LRFN2: variants seen among roughly 807,000 people sequenced by gnomAD.
LRFN2 encodes leucine rich repeat and fibronectin type III domain containing 2.
In LRFN2, 18 loss-of-function variants were observed where a neutral mutation model predicts 37.3. The observed-to-expected ratio is 0.48, with a 90% CI of 0.33 to 0.72. LRFN2 has a LOEUF of 0.72. Among genes scored for constraint, LRFN2 ranks in the 30% least tolerant of loss-of-function variants. The pLI is 0.02. For missense variants in LRFN2, 1,006 were observed against 1,060.7 expected (o/e 0.95, Z 0.72); for synonymous variants, 556 against 466.6 (o/e 1.19, Z -2.47).
Position 40,488,407 on chromosome 6 carries a change from A to C in LRFN2, c.-18-55276T>G, listed in dbSNP as rs538229173. 6.9e-5 allele frequency among the ~76,000 whole-genome samples: 10 copies of C among 144,652 alleles called. No individual in the cohort carries two copies. The South Asian group carries it at 2.0e-3, about 29-fold the overall frequency. The allele number at this position is 144,652 out of a possible 152,430, so 94.9% of individuals were successfully genotyped here. On this transcript the variant is annotated intron_variant, in intron 1 of 2. Coordinates refer to ENST00000338305, the MANE Select transcript of LRFN2 (RefSeq NM_020737.3). ...TGCCTTGCTCCTTCCTGGCACCAGC[A>C]CCCCCATGAGAAGTGATCCTGTCCT...
At chr6:40,546,807 TA>T (rs1766671270) in intron 1 of LRFN2, among the ~76,000 whole-genome samples, 1 of 152,164 alleles carries the variant, frequency 6.6e-6, no homozygotes. Context: ...CACAGAAAGG[TA>T]TAATAACAGG....
chr6:40,487,136 C>T (rs184661402), intron 1 of LRFN2, among the ~76,000 whole-genome samples: 4 of 152,290 alleles, frequency 2.6e-5, no homozygotes, highest in African/African-American at 7.2e-5. Flanking sequence ...CACCAGGGGC[C>T]AGCCATGCCA....
chr6:40,439,545 G>C (rs565605189), intron 1 of LRFN2, among the ~76,000 whole-genome samples: 13 of 152,268 alleles, frequency 8.5e-5, no homozygotes, highest in African/African-American at 3.1e-4. Flanking sequence ...AGTTGCTGGG[G>C]GTGAATGCTG....
intron 1 of LRFN2, among the ~76,000 whole-genome samples, chr6:40,464,821 C>A (rs921306507): frequency 2.0e-5 from 3 of 152,030 alleles, no homozygotes; most frequent in African/African-American, 7.2e-5. Flanking sequence ...TGAATAAGTA[C>A]CCCAGCCTTC....
chr6:40,435,639 C>T (rs530570619), intron 1 of LRFN2, among the ~76,000 whole-genome samples: 309 of 152,048 alleles, frequency 2.0e-3, no homozygotes, highest in African/African-American at 6.9e-3. Flanking sequence ...CCCAGGTTCA[C>T]GCCATTCTCC....
intron 2 of LRFN2, among the ~76,000 whole-genome samples, chr6:40,408,995 AAGAGAGAC>A (rs1372264784): frequency 6.6e-6 from 1 of 152,238 alleles, no homozygotes; most frequent in Admixed American, 6.5e-5. Context: ...GTGGAAGGGC[AAGAGAGAC>A]AGAGAGCCCC....
chr6:40,434,301 G>A (rs1198747747), intron 1 of LRFN2, among the ~76,000 whole-genome samples: 1 of 152,106 alleles, frequency 6.6e-6, no homozygotes, highest in Non-Finnish European at 1.5e-5. Flanking sequence ...GCCTCCAAAT[G>A]TCAACAGTTT....
chr6:40,471,646 A>G (rs1322162771), intron 1 of LRFN2, among the ~76,000 whole-genome samples: 1 of 152,194 alleles, frequency 6.6e-6, no homozygotes, highest in Non-Finnish European at 1.5e-5. Flanking sequence ...CTGCCTTCAA[A>G]GCGTTGCAGT....
chr6:40,450,094 T>C (rs924675655), intron 1 of LRFN2, among the ~76,000 whole-genome samples: 3 of 152,322 alleles, frequency 2.0e-5, no homozygotes, highest in East Asian at 1.9e-4. Flanking sequence ...GAAAAGTCTT[T>C]TGAAACAGAG....
intron 1 of LRFN2, among the ~76,000 whole-genome samples, chr6:40,483,087 G>A (rs988847809): frequency 2.6e-5 from 4 of 152,208 alleles, no homozygotes; most frequent in African/African-American, 4.8e-5. Context: ...CCACTTACTC[G>A]CTGCCTGACT....
At chr6:40,452,542 T>C (rs926034396) in intron 1 of LRFN2, among the ~76,000 whole-genome samples, 1 of 152,228 alleles carries the variant, frequency 6.6e-6, no homozygotes, top group Admixed American at 6.5e-5. Flanking sequence ...ACATTTCAGC[T>C]TGTGGCCGTG....
chr6:40,569,797 T>C (rs1767155364), intron 1 of LRFN2, among the ~76,000 whole-genome samples: 1 of 152,140 alleles, frequency 6.6e-6, no homozygotes, highest in Admixed American at 6.5e-5. Flanking sequence ...TTGGACCATG[T>C]CATTCTCAGC....
chr6:40,527,624 C>T (rs550881253), intron 1 of LRFN2, among the ~76,000 whole-genome samples: 1 of 152,190 alleles, frequency 6.6e-6, no homozygotes, highest in South Asian at 2.1e-4. Flanking sequence ...GAAAGAGAGC[C>T]AATATACACT....
intron 1 of LRFN2, among the ~76,000 whole-genome samples, chr6:40,530,088 G>A (rs187018596): frequency 1.7e-4 from 26 of 152,292 alleles, no homozygotes; most frequent in Admixed American, 1.6e-3. Context: ...AGAGAGAGTC[G>A]TCGCAGAAGG....
intron 1 of LRFN2, among the ~76,000 whole-genome samples, chr6:40,508,109 T>C (rs764769445): frequency 6.6e-6 from 1 of 152,204 alleles, no homozygotes; most frequent in African/African-American, 2.4e-5. Flanking sequence ...AGCCGTCACC[T>C]TGGGCTAGTT....
chr6:40,533,213 T>C (rs1397310414), intron 1 of LRFN2, among the ~76,000 whole-genome samples: 1 of 152,168 alleles, frequency 6.6e-6, no homozygotes, highest in Non-Finnish European at 1.5e-5. Context: ...TTTTTCTCTA[T>C]CTCTTTAGTC....
At chr6:40,577,594 C>T (rs1767312089) in intron 1 of LRFN2, among the ~76,000 whole-genome samples, 1 of 104,128 alleles carries the variant, frequency 9.6e-6, no homozygotes, top group Admixed American at 9.7e-5. Flanking sequence ...TCCCCCCACC[C>T]CACCACAGTC....
chr6:40,579,151 C>T (rs1342359508), intron 1 of LRFN2, among the ~76,000 whole-genome samples: 1 of 152,158 alleles, frequency 6.6e-6, no homozygotes, highest in Admixed American at 6.5e-5. Flanking sequence ...GATTCTTGCC[C>T]CTCAATAGCC....
intron 1 of LRFN2, among the ~76,000 whole-genome samples, chr6:40,459,439 A>T (rs1764300721): frequency 6.6e-6 from 1 of 152,200 alleles, no homozygotes. Context: ...TCCTTAGTAA[A>T]TTGCAAACAC....
Sources: allele counts gnomAD v4.1 joint callset (sites outside exome capture counted in the v4.1 genomes callset), GRCh38; gene constraint gnomAD v4.1.1; transcripts MANE v1.5; gene names NCBI Gene and HGNC (gene_info 2026-07-23, HGNC 2026-07-21).